The following KCND2 variants were observed in gnomAD, a reference collection of about 807,000 sequenced individuals.
KCND2 encodes potassium voltage-gated channel subfamily D member 2, also known as A-type voltage-gated potassium channel KCND2.
In KCND2, 16 loss-of-function variants were observed where a neutral mutation model predicts 54.4. The ratio of observed to expected loss-of-function variants is 0.29; its 90% confidence interval spans 0.20 to 0.45. KCND2 has a LOEUF of 0.45. Ranked by LOEUF, KCND2 falls within the 20% of genes least tolerant of loss-of-function variation. The pLI is 1.00. For synonymous variants in KCND2, 317 were observed against 310.7 expected (o/e 1.02, Z -0.21); for missense variants, 486 against 824.2 (o/e 0.59, Z 5.02).
intron 1 of KCND2, among the ~76,000 whole-genome samples, chr7:120,585,986 C>G (rs1402562109): frequency 6.6e-6 from 1 of 152,134 alleles, no homozygotes; most frequent in Non-Finnish European, 1.5e-5. Context: ...TGGCTCAGTC[C>G]AGCTCAGTCA....
intron 1 of KCND2, among the ~76,000 whole-genome samples, chr7:120,482,462 G>T (rs1407636871): frequency 6.6e-6 from 1 of 152,148 alleles, no homozygotes; most frequent in African/African-American, 2.4e-5. Context: ...AATATTGGGG[G>T]CCAGAGAAGA....
intron 1 of KCND2, among the ~76,000 whole-genome samples, chr7:120,605,099 A>G (rs1368060964): frequency 1.3e-5 from 2 of 152,236 alleles, no homozygotes; most frequent in Non-Finnish European, 2.9e-5. Context: ...CAAAGGGGTT[A>G]CTTTGACCCC....
intron 1 of KCND2, among the ~76,000 whole-genome samples, chr7:120,700,182 A>T (rs969173575): frequency 1.1e-4 from 17 of 152,240 alleles, no homozygotes; most frequent in Admixed American, 3.3e-4. Context: ...AAAGAAAAGG[A>T]TATAAATAGA....
chr7:120,585,973 A>G (rs568062462), intron 1 of KCND2, among the ~76,000 whole-genome samples: 1 of 152,306 alleles, frequency 6.6e-6, no homozygotes, highest in African/African-American at 2.4e-5. Flanking sequence ...TTCAGCAGTC[A>G]TATGGCTCAG....
At chr7:120,732,546 C>A (rs943681859) in intron 1 of KCND2, among the ~76,000 whole-genome samples, 1 of 151,986 alleles carries the variant, frequency 6.6e-6, no homozygotes, top group East Asian at 1.9e-4. Context: ...ATTGTGTTAT[C>A]CAGACTCTAA....
At chr7:120,363,251 G>A (rs1431571586) in intron 1 of KCND2, among the ~76,000 whole-genome samples, 2 of 152,046 alleles carry the variant, frequency 1.3e-5, no homozygotes, top group African/African-American at 4.8e-5. Flanking sequence ...AGCTTTTATT[G>A]TGTCACTGCA....
intron 1 of KCND2, among the ~76,000 whole-genome samples, chr7:120,637,415 A>G (rs1442134191): frequency 2.6e-5 from 4 of 152,144 alleles, no homozygotes; most frequent in Admixed American, 2.0e-4. Flanking sequence ...GACTTAAAAT[A>G]GATAATGGAT....
At chr7:120,589,424 G>T (rs1233583111) in intron 1 of KCND2, among the ~76,000 whole-genome samples, 1 of 152,272 alleles carries the variant, frequency 6.6e-6, no homozygotes, top group South Asian at 2.1e-4. Flanking sequence ...GTAAGGTGTA[G>T]ATGTTTTTTA....
At chr7:120,273,112 A>C (rs919436716), upstream of KCND2, among the ~76,000 whole-genome samples, 1 of 152,042 alleles carries the variant, frequency 6.6e-6, no homozygotes, top group Non-Finnish European at 1.5e-5. Context: ...GTGGAGCGAG[A>C]GGAGCCCGAG....
rs201166496 is a variant in KCND2, at chr7:120,572,177, C to CT, written c.1116-160713dup. 2.7e-3 allele frequency among the ~76,000 whole-genome samples: 377 copies of CT among 139,190 alleles called. 3 individuals carry two copies. Among genetic ancestry groups the CT allele is most frequent in the East Asian group, 9.3e-3 (45 of 4,836 alleles). 91.3% of individuals were successfully genotyped at this position (139,190 alleles called of 152,430 possible). ...CCTTTTCCCATCCTAACTATGAATG[C>CT]TTTTTTTTTTTTTCAAGTAAATTAA... On this transcript the variant is annotated intron_variant, in intron 1 of 5. Coordinates refer to ENST00000331113, the MANE Select transcript of KCND2 (RefSeq NM_012281.3).
chr7:120,718,333 C>T (rs139243209), intron 1 of KCND2, among the ~76,000 whole-genome samples: 94 of 152,220 alleles, frequency 6.2e-4, no homozygotes, highest in African/African-American at 1.9e-3. Flanking sequence ...CAACTACATA[C>T]GGCCCACAGG....
chr7:120,386,008 A>G (rs866807182), intron 1 of KCND2, among the ~76,000 whole-genome samples: 1 of 152,072 alleles, frequency 6.6e-6, no homozygotes, highest in Non-Finnish European at 1.5e-5. Context: ...TTGGCTTGAC[A>G]CTTTTTTGTA....
At position 120,294,110 on chromosome 7, in the gene KCND2, A is replaced by T. The variant is rs1367015696; in HGVS notation, c.1115+18363A>T. Among the ~76,000 whole-genome samples the T allele has an allele frequency of 7.9e-5, 12 of 151,984 alleles. No individual in the cohort carries two copies. In the East Asian group the frequency reaches 1.9e-3, roughly 24 times the overall value. Reference sequence around the variant, plus strand: ...ATTCTCAATACAACCATTCTAAAATAATTTAGTGAAAAGGTGGGTAGATCA... The same window carrying T: ...ATTCTCAATACAACCATTCTAAAATTATTTAGTGAAAAGGTGGGTAGATCA... On this transcript the variant is annotated intron_variant, in intron 1 of 5. Coordinates refer to ENST00000331113, the MANE Select transcript of KCND2 (RefSeq NM_012281.3).
rs191660817 is a variant in KCND2 at position 120,385,549 on chromosome 7, T to C, written c.1115+109802T>C. The stretch of plus-strand genomic sequence containing the variant: ...CTGAAAAGGGAGAACTTTTAACTTA[T>C]AATCTGCCATAAGAGAAAGGTCACT... On this transcript the variant is annotated intron_variant, in intron 1 of 5. Coordinates refer to ENST00000331113, the MANE Select transcript of KCND2 (RefSeq NM_012281.3). Among the ~76,000 whole-genome samples the C allele has an allele frequency of 6.2e-3, 938 of 152,248 alleles. 8 individuals carry two copies. Among genetic ancestry groups the C allele is most frequent in the Non-Finnish European group, 0.011 (717 of 68,006 alleles).
intron 1 of KCND2, among the ~76,000 whole-genome samples, chr7:120,415,982 G>T (rs1180680631): frequency 6.6e-6 from 1 of 152,088 alleles, no homozygotes. Flanking sequence ...CCACTAGCAA[G>T]CCATATTGAT....
chr7:120,724,629 C>A lies in KCND2; in HGVS notation c.1116-8274C>A, dbSNP rs74673177. 2.6e-5 allele frequency among the ~76,000 whole-genome samples: 4 copies of A among 152,194 alleles called. No homozygotes were observed. The East Asian group carries it at 7.8e-4, about 30-fold the overall frequency. On this transcript the variant is annotated intron_variant, in intron 1 of 5. Coordinates refer to ENST00000331113, the MANE Select transcript of KCND2 (RefSeq NM_012281.3). ...CTTTCCTGCAGGTGATGGAGAGACACTGAAGGCTTTTATGCAGGAGAATGA... is the reference window on the plus strand; with the variant it reads ...CTTTCCTGCAGGTGATGGAGAGACAATGAAGGCTTTTATGCAGGAGAATGA...
intron 1 of KCND2, among the ~76,000 whole-genome samples, chr7:120,632,781 G>C (rs1363038907): frequency 6.6e-6 from 1 of 152,140 alleles, no homozygotes; most frequent in Admixed American, 6.5e-5. Flanking sequence ...ATCGCACAGT[G>C]AAAAGCTGGA....
chr7:120,539,529 G>A (rs1168857043), intron 1 of KCND2, among the ~76,000 whole-genome samples: 2 of 152,196 alleles, frequency 1.3e-5, no homozygotes, highest in Non-Finnish European at 2.9e-5. Flanking sequence ...CACGGCACTT[G>A]CTGGCGTCCC....
chr7:120,390,574 T>A (rs765812215), intron 1 of KCND2, among the ~76,000 whole-genome samples: 9 of 152,008 alleles, frequency 5.9e-5, no homozygotes, highest in Non-Finnish European at 1.0e-4. Context: ...TTCAGTTCAA[T>A]TCCTATGCTA....
Sources: gnomAD v4.1 joint callset for allele counts (sites outside exome capture counted in the v4.1 genomes callset) on GRCh38, gnomAD v4.1.1 for gene constraint, MANE v1.5 for transcripts, NCBI Gene and HGNC (gene_info 2026-07-23, HGNC 2026-07-21) for gene names.